RBFOX1: variants seen among roughly 807,000 people sequenced by gnomAD.
RBFOX1 encodes RNA binding fox-1 homolog 1.
In RBFOX1, 8 loss-of-function variants were observed where a neutral mutation model predicts 57.7. That is an observed-to-expected ratio of 0.14 (90% CI 0.08 to 0.25). The LOEUF is 0.25. Among genes scored for constraint, RBFOX1 ranks in the 10% least tolerant of loss-of-function variants. RBFOX1 has a pLI of 1.00. For missense variants in RBFOX1, 611 were observed against 548.5 expected (o/e 1.11, Z -1.14); for synonymous variants, 326 against 222.4 (o/e 1.47, Z -4.15).
chr16:6,851,515 A>T (rs1171283567), intron 3 of RBFOX1, among the ~76,000 whole-genome samples: 2 of 152,200 alleles, frequency 1.3e-5, no homozygotes, highest in African/African-American at 2.4e-5. Context: ...AAAGATATTC[A>T]CAACATATTT....
intron 3 of RBFOX1, among the ~76,000 whole-genome samples, chr16:6,954,265 G>A (rs747511922): frequency 6.6e-6 from 1 of 152,140 alleles, no homozygotes; most frequent in Non-Finnish European, 1.5e-5. Flanking sequence ...AATCAGGGTA[G>A]CGATTCTGGT....
chr16:7,584,191 C>T (rs969723872), intron 6 of RBFOX1, among the ~76,000 whole-genome samples: 3 of 152,196 alleles, frequency 2.0e-5, no homozygotes, highest in African/African-American at 7.2e-5. Flanking sequence ...ATCCATTGAA[C>T]ATCCCTCACA....
chr16:6,622,694 CCTT>C (rs1403694977), intron 2 of RBFOX1, among the ~76,000 whole-genome samples: 1 of 152,074 alleles, frequency 6.6e-6, no homozygotes, highest in Non-Finnish European at 1.5e-5. Flanking sequence ...AGCAATTTGT[CCTT>C]CTCTTTCCTC....
At chr16:7,595,769 T>A in intron 8 of RBFOX1, 128 bp downstream of exon 8, 1 of 342,318 alleles carries the variant, frequency 2.9e-6, no homozygotes, top group Middle Eastern at 1.1e-3. Context: ...TATATATATA[T>A]ATATATTTTT....
At chr16:5,851,307 GT>G (rs2151864997) in intron 3 of RBFOX1, among the ~76,000 whole-genome samples, 1 of 152,308 alleles carries the variant, frequency 6.6e-6, no homozygotes, top group South Asian at 2.1e-4. Context: ...CCAGTGTGCA[GT>G]GGGTGCTTTT....
intron 1 of RBFOX1, chr16:5,366,350 T>A: frequency 2.7e-6 from 1 of 366,120 alleles, no homozygotes. Context: ...ATGATGATTT[T>A]GATAATGAGA....
rs551578098 is a variant in RBFOX1 at position 7,390,110 on chromosome 16, G to A, written c.28-128037G>A. Among the ~76,000 whole-genome samples the A allele has an allele frequency of 3.9e-5, 6 of 152,212 alleles. No homozygotes were observed. In the East Asian group the frequency reaches 9.7e-4, roughly 25 times the overall value. On this transcript the variant is annotated intron_variant, in intron 4 of 15. Transcript: ENST00000550418. ...GAAGACAGAAAAACAGAGCGAGAAG[G>A]GAGAGGGGCTACATACTTTCAAACA...
chr16:5,729,699 T>C (rs2151557006), intron 3 of RBFOX1, among the ~76,000 whole-genome samples: 1 of 152,254 alleles, frequency 6.6e-6, no homozygotes, highest in East Asian at 1.9e-4. Context: ...GGTAGGGCTG[T>C]CGGAAAGGCA....
chr16:5,638,041 C>A (rs546559942), intron 3 of RBFOX1, among the ~76,000 whole-genome samples: 1 of 152,180 alleles, frequency 6.6e-6, no homozygotes, highest in East Asian at 1.9e-4. Context: ...CCATCTCATA[C>A]GGGAGTTCCT....
intron 1 of RBFOX1, among the ~76,000 whole-genome samples, chr16:6,020,483 A>G (rs1383335112): frequency 1.3e-5 from 2 of 152,112 alleles, no homozygotes; most frequent in Non-Finnish European, 2.9e-5. Context: ...GGGGAAGAGA[A>G]GGCTCACTTA....
At chr16:6,955,216 G>C (rs2081525774) in intron 3 of RBFOX1, among the ~76,000 whole-genome samples, 1 of 152,064 alleles carries the variant, frequency 6.6e-6, no homozygotes, top group Non-Finnish European at 1.5e-5. Context: ...ACTCCAGCCT[G>C]CGCAACAGAG....
intron 2 of RBFOX1, among the ~76,000 whole-genome samples, chr16:6,467,904 A>G (rs2095086716): frequency 6.6e-6 from 1 of 152,214 alleles, no homozygotes; most frequent in African/African-American, 2.4e-5. Context: ...CTTTGTTGAA[A>G]CTGTAGAATA....
intron 2 of RBFOX1, among the ~76,000 whole-genome samples, chr16:5,504,055 C>G (rs575463343): frequency 5.9e-5 from 9 of 152,276 alleles, no homozygotes; most frequent in Admixed American, 4.6e-4. Flanking sequence ...CCAGCCCCTT[C>G]CTGGCATCTG....
chr16:5,486,907 C>G (rs890387985), intron 2 of RBFOX1, among the ~76,000 whole-genome samples: 10 of 152,138 alleles, frequency 6.6e-5, no homozygotes, highest in South Asian at 6.2e-4. Flanking sequence ...GCCCTTTCAC[C>G]TCAGCAGCCT....
At chr16:6,459,468 T>C (rs2094856868) in intron 2 of RBFOX1, among the ~76,000 whole-genome samples, 1 of 152,168 alleles carries the variant, frequency 6.6e-6, no homozygotes, top group African/African-American at 2.4e-5. Context: ...TTCAAAATAA[T>C]CTAAACTATT....
intron 5 of RBFOX1, among the ~76,000 whole-genome samples, chr16:7,525,098 C>A (rs1442285433): frequency 1.3e-5 from 2 of 152,172 alleles, no homozygotes; most frequent in Non-Finnish European, 2.9e-5. Flanking sequence ...CAAGCATATG[C>A]CTGCTTGTCC....
chr16:7,049,585 T>A (rs1244339349), intron 3 of RBFOX1, among the ~76,000 whole-genome samples: 2 of 152,188 alleles, frequency 1.3e-5, no homozygotes, highest in Non-Finnish European at 2.9e-5. Flanking sequence ...GGTGTCTGAT[T>A]TTCAGCCCTT....
intron 1 of RBFOX1, among the ~76,000 whole-genome samples, chr16:6,200,135 A>T (rs2097205769): frequency 6.6e-6 from 1 of 152,306 alleles, no homozygotes; most frequent in Non-Finnish European, 1.5e-5. Context: ...CTGTTATCTC[A>T]GGGAACACCT....
At chr16:6,902,035 A>G (rs1211824002) in intron 3 of RBFOX1, among the ~76,000 whole-genome samples, 1 of 152,152 alleles carries the variant, frequency 6.6e-6, no homozygotes, top group Non-Finnish European at 1.5e-5. Flanking sequence ...TTAAGGTTGC[A>G]CTTTACCTGA....
Sources: gnomAD v4.1 joint callset for allele counts (sites outside exome capture counted in the v4.1 genomes callset) on GRCh38, gnomAD v4.1.1 for gene constraint, MANE v1.5 for transcripts, NCBI Gene and HGNC (gene_info 2026-07-23, HGNC 2026-07-21) for gene names.